Variants in DPP10 observed in about 807,000 individuals in gnomAD.
DPP10 encodes the protein dipeptidyl peptidase like 10.
In DPP10, 33 loss-of-function variants were observed where a neutral mutation model predicts 120.9. The observed-to-expected ratio is 0.27, with a 90% CI of 0.21 to 0.37. The LOEUF (loss-of-function observed/expected upper bound fraction) is 0.37. Among genes scored for constraint, DPP10 ranks in the 10% least tolerant of loss-of-function variants. The pLI is 1.00. For synonymous variants in DPP10, 337 were observed against 326.1 expected (o/e 1.03, Z -0.36); for missense variants, 816 against 942.8 (o/e 0.87, Z 1.76).
chr2:115,404,770 A>G (rs886738220), intron 3 of DPP10, among the ~76,000 whole-genome samples: 1 of 152,238 alleles, frequency 6.6e-6, no homozygotes, highest in African/African-American at 2.4e-5. Context: ...AAGGAGGCAC[A>G]CAAAAGAAAG....
Position 115,506,388 on chromosome 2 carries a change from A to T in DPP10, c.366+6784A>T, listed in dbSNP as rs546360116. 1.4e-4 allele frequency among the ~76,000 whole-genome samples: 21 copies of T among 152,236 alleles called. No individual in the cohort carries two copies. The South Asian group carries it at 3.5e-3, about 26-fold the overall frequency. ...CTGTCTCCTACTTCAGTTGAAATTT[A>T]AAAAAGTAAAAAATCAACTGAGACC... On this transcript the variant is annotated intron_variant, in intron 4 of 25. Coordinates refer to ENST00000410059, the MANE Select transcript of DPP10 (RefSeq NM_020868.6).
At chr2:114,829,074 G>A (rs1181718574) in intron 1 of DPP10, among the ~76,000 whole-genome samples, 2 of 152,182 alleles carry the variant, frequency 1.3e-5, no homozygotes, top group East Asian at 1.9e-4. Context: ...GGATCACGAG[G>A]TCAGGAGTTC....
intron 1 of DPP10, among the ~76,000 whole-genome samples, chr2:114,569,676 C>T (rs953091566): frequency 1.1e-4 from 16 of 151,926 alleles, no homozygotes; most frequent in Non-Finnish European, 1.9e-4. Flanking sequence ...TTTTAAGCTG[C>T]GTAATGAGGA....
Position 115,445,568 on chromosome 2 carries a change from G to A in DPP10, c.272-53942G>A, listed in dbSNP as rs114445657. Among the ~76,000 whole-genome samples, 776 of 152,272 alleles carry A rather than the reference G, an allele frequency of 5.1e-3. 8 individuals carry two copies. The highest frequency in any genetic ancestry group is 0.018 in the African/African-American group (736 of 41,562). On this transcript the variant is annotated intron_variant, in intron 3 of 25. Coordinates refer to ENST00000410059, the MANE Select transcript of DPP10 (RefSeq NM_020868.6). ...TTGCTATGCTTTAGCAAAGATACTG[G>A]TGGAGTTTTGTCCCTGCCCTAGAGA... is the stretch of plus-strand genomic sequence containing the variant.
chr2:115,437,289 AC>A (rs985924627), intron 3 of DPP10, among the ~76,000 whole-genome samples: 3 of 152,006 alleles, frequency 2.0e-5, no homozygotes, highest in African/African-American at 7.2e-5. Context: ...CATACAAATC[AC>A]CCTTTGATTG....
intron 4 of DPP10, among the ~76,000 whole-genome samples, chr2:115,505,430 TAGA>T (rs1459370481): frequency 6.6e-6 from 1 of 152,108 alleles, no homozygotes; most frequent in African/African-American, 2.4e-5. Context: ...TTGATTTTTT[TAGA>T]AGATTCTTAT....
At chr2:115,791,036 A>C in intron 17 of DPP10, 45 bp from the exon 18 acceptor site, 1 of 1,390,316 alleles carries the variant, frequency 7.2e-7, no homozygotes, top group Non-Finnish European at 1.0e-6. Context: ...GATTCTGTTT[A>C]ATGCATAGGG....
chr2:115,066,164 A>G (rs2105421503), intron 1 of DPP10, among the ~76,000 whole-genome samples: 1 of 152,320 alleles, frequency 6.6e-6, no homozygotes, highest in Admixed American at 6.5e-5. Flanking sequence ...TCTAGAAAAG[A>G]CATTACAAAT....
chr2:115,761,096 C>CAA (rs34165193), intron 11 of DPP10, among the ~76,000 whole-genome samples: 26 of 90,252 alleles, frequency 2.9e-4, no homozygotes, highest in African/African-American at 1.0e-3. Flanking sequence ...GACTTTGTCT[C>CAA]AAAAAAAAAA....
intron 3 of DPP10, among the ~76,000 whole-genome samples, chr2:115,346,894 AC>A (rs917728040): frequency 5.9e-5 from 9 of 152,180 alleles, no homozygotes; most frequent in African/African-American, 1.9e-4. Context: ...ATAAAACTTG[AC>A]CTCTTTCATT....
At chr2:114,785,417 T>G (rs1425507181) in intron 1 of DPP10, among the ~76,000 whole-genome samples, 2 of 152,160 alleles carry the variant, frequency 1.3e-5, no homozygotes, top group African/African-American at 4.8e-5. Context: ...GCTGGGAGGC[T>G]GACACCTAAC....
intron 1 of DPP10, among the ~76,000 whole-genome samples, chr2:114,974,702 C>T (rs1054683204): frequency 9.9e-5 from 15 of 151,606 alleles, no homozygotes; most frequent in Non-Finnish European, 1.9e-4. Context: ...CCACTGCACC[C>T]AGCCGGGATA....
At chr2:114,954,166 C>T (rs765831385) in intron 1 of DPP10, among the ~76,000 whole-genome samples, 4 of 149,772 alleles carry the variant, frequency 2.7e-5, no homozygotes, top group African/African-American at 4.9e-5. Flanking sequence ...CTGCAAGCTC[C>T]GCCTCCCAGG....
At chr2:115,027,343 T>C (rs1253384028) in intron 1 of DPP10, among the ~76,000 whole-genome samples, 2 of 152,182 alleles carry the variant, frequency 1.3e-5, no homozygotes, top group South Asian at 2.1e-4. Context: ...TCTTGCCTAA[T>C]TGGTCTTGCC....
chr2:114,682,515 C>A (rs1214532127), intron 1 of DPP10, among the ~76,000 whole-genome samples: 1 of 151,660 alleles, frequency 6.6e-6, no homozygotes. Context: ...TTTCCATAGA[C>A]CCATAGCTAG....
At chr2:115,676,660 A>G (rs2090289316) in intron 5 of DPP10, among the ~76,000 whole-genome samples, 5 of 152,206 alleles carry the variant, frequency 3.3e-5, no homozygotes, top group African/African-American at 1.2e-4. Flanking sequence ...AGGAAAAAGA[A>G]TAAAAATGAA....
rs529215254 is a variant in DPP10 at position 115,817,561 on chromosome 2, T to C, written c.1950+1832T>C. On this transcript the variant is annotated intron_variant, in intron 21 of 25. Coordinates refer to ENST00000410059, the MANE Select transcript of DPP10 (RefSeq NM_020868.6). The stretch of plus-strand genomic sequence containing the variant: ...ATCATGCCTTTGCAGCATTCTACAC[T>C]TGTTGTCAGCAATATTCAACAGATA... 2.0e-4 allele frequency among the ~76,000 whole-genome samples: 30 copies of C among 152,228 alleles called. 1 individual carries two copies. The highest frequency in any genetic ancestry group is 1.1e-3 in the Admixed American group (17 of 15,282).
At chr2:115,166,632 T>C (rs1248451928) in intron 1 of DPP10, among the ~76,000 whole-genome samples, 1 of 134,292 alleles carries the variant, frequency 7.4e-6, no homozygotes, top group Non-Finnish European at 1.6e-5. Context: ...TATCTCTTGC[T>C]TAGAATCTTC....
intron 1 of DPP10, among the ~76,000 whole-genome samples, chr2:114,698,074 G>C (rs866657766): frequency 7.2e-5 from 11 of 151,994 alleles, no homozygotes; most frequent in Admixed American, 5.2e-4. Context: ...TAAAACCCAG[G>C]CATGTTTTAG....
Sources: gnomAD v4.1 joint callset for allele counts (sites outside exome capture counted in the v4.1 genomes callset) on GRCh38, gnomAD v4.1.1 for gene constraint, MANE v1.5 for transcripts, NCBI Gene and HGNC (gene_info 2026-07-23, HGNC 2026-07-21) for gene names.